Variants in HIVEP3 observed in about 807,000 individuals in gnomAD.
HIVEP3 encodes HIVEP zinc finger 3.
A neutral mutation model predicts 152.8 loss-of-function variants in HIVEP3; 49 were observed. The ratio of observed to expected loss-of-function variants is 0.32; its 90% CI spans 0.26 to 0.41. HIVEP3 has a LOEUF of 0.41. Ranked by LOEUF, HIVEP3 falls within the 10% of genes least tolerant of loss-of-function variation. HIVEP3 has a pLI of 1.00. For missense variants in HIVEP3, 2,790 were observed against 3,103.3 expected (o/e 0.90, Z 2.40); for synonymous variants, 1,269 against 1,289.0 (o/e 0.98, Z 0.33).
intron 1 of HIVEP3, among the ~76,000 whole-genome samples, chr1:41,939,995 C>G (rs1036193295): frequency 6.6e-6 from 1 of 151,290 alleles, no homozygotes; most frequent in African/African-American, 2.4e-5. Flanking sequence ...TTACTTTAGT[C>G]TGAGGCACCT....
At chr1:41,567,972 C>G (rs892907651) in intron 5 of HIVEP3, among the ~76,000 whole-genome samples, 1 of 152,268 alleles carries the variant, frequency 6.6e-6, no homozygotes, top group Non-Finnish European at 1.5e-5. Flanking sequence ...ATTCTAAGAG[C>G]TGCAGAGTTC....
intron 1 of HIVEP3, among the ~76,000 whole-genome samples, chr1:41,932,420 C>T (rs528680335): frequency 1.5e-3 from 231 of 151,862 alleles, no homozygotes; most frequent in Non-Finnish European, 2.7e-3. Flanking sequence ...GTCTGTCCTT[C>T]GAGGAATTGA....
intron 5 of HIVEP3, among the ~76,000 whole-genome samples, chr1:41,527,845 C>G (rs1417755860): frequency 6.9e-6 from 1 of 145,714 alleles, no homozygotes; most frequent in Non-Finnish European, 1.5e-5. Context: ...ATCCACTTCC[C>G]CACCCTCACC....
chr1:41,888,527 G>T (rs1644388718), intron 1 of HIVEP3, among the ~76,000 whole-genome samples: 1 of 151,850 alleles, frequency 6.6e-6, no homozygotes, highest in Admixed American at 6.6e-5. Context: ...CAAAGAGGGG[G>T]AAAAAGGAAA....
At chr1:41,953,989 T>C (rs897645638) in intron 1 of HIVEP3, among the ~76,000 whole-genome samples, 1 of 152,174 alleles carries the variant, frequency 6.6e-6, no homozygotes, top group African/African-American at 2.4e-5. Flanking sequence ...TTCTGGCCTT[T>C]GGGGAAACTG....
intron 1 of HIVEP3, among the ~76,000 whole-genome samples, chr1:41,981,078 G>A (rs534469968): frequency 5.0e-4 from 76 of 152,246 alleles, no homozygotes; most frequent in African/African-American, 1.7e-3. Context: ...ATCAGGATTC[G>A]CTTCTGCAAG....
intron 2 of HIVEP3, among the ~76,000 whole-genome samples, chr1:41,639,946 C>T (rs544533392): frequency 1.3e-5 from 2 of 152,274 alleles, no homozygotes; most frequent in Non-Finnish European, 2.9e-5. Context: ...AAATGTTTTC[C>T]AGGAAAGACA....
chr1:41,931,771 C>G lies in HIVEP3; in HGVS notation n.120-13247G>C, dbSNP rs549018503. ...CTCTAAATTTCAAAGTCCATATGTTCATTGCTAGCATGAAGAAATACAATT... is the reference window on the plus strand; with the variant it reads ...CTCTAAATTTCAAAGTCCATATGTTGATTGCTAGCATGAAGAAATACAATT... On this transcript the variant is annotated intron_variant and non_coding_transcript_variant, in intron 1 of 3. Coordinates refer to the HIVEP3 transcript ENST00000489103. 3.9e-5 allele frequency among the ~76,000 whole-genome samples: 6 copies of G among 152,136 alleles called. No individual in the cohort carries two copies. In the East Asian group the frequency reaches 1.2e-3, roughly 29 times the overall value.
rs374995871 is a variant in HIVEP3 at position 41,582,354 on chromosome 1, G to A, written c.2444C>T (p.Pro815Leu). The A allele has an allele frequency of 2.4e-5, 39 of 1,614,070 alleles. No individual in the cohort carries two copies. The African/African-American group carries it at 3.1e-4, about 13-fold the overall frequency. The change falls in exon 4 of 9, where the codon CCG becomes CTG. Residue 815 changes from proline (P) to leucine (L), a missense_variant. Transcript: ENST00000372583. The surrounding 1 kb of genome is among the most constrained non-coding windows in gnomAD (Gnocchi z 4.7). ...SFEKSDSLEQ[P>L]SGLEGEDKPL... Reference sequence around the variant, plus strand: ...TTTGTCTTCCCCTTCCAAGCCACTCGGCTGCTCGAGAGAATCAGATTTCTC... The same window carrying A: ...TTTGTCTTCCCCTTCCAAGCCACTCAGCTGCTCGAGAGAATCAGATTTCTC...
At chr1:41,628,393 G>A (rs1331587729) in intron 3 of HIVEP3, among the ~76,000 whole-genome samples, 1 of 152,194 alleles carries the variant, frequency 6.6e-6, no homozygotes, top group Non-Finnish European at 1.5e-5. Context: ...GGAGCACACA[G>A]TTGGACTGGC....
At chr1:41,763,597 C>T (rs999510766) in intron 1 of HIVEP3, among the ~76,000 whole-genome samples, 2 of 152,190 alleles carry the variant, frequency 1.3e-5, no homozygotes, top group African/African-American at 4.8e-5. Context: ...AATACCAGGG[C>T]TACTATTTCT....
chr1:41,518,364 C>T, intron 7 of HIVEP3, 38 bp downstream of exon 7: 1 of 1,554,660 alleles, frequency 6.4e-7, no homozygotes, highest in Non-Finnish European at 8.9e-7. Context: ...GGAAAGCGGA[C>T]AAGGGGAAAG....
At chr1:41,803,399 C>G (rs1039388456) in intron 1 of HIVEP3, among the ~76,000 whole-genome samples, 2 of 152,214 alleles carry the variant, frequency 1.3e-5, no homozygotes, top group Admixed American at 1.3e-4. Context: ...CAAGGCCCCA[C>G]CTTCTCAGTC....
At chr1:41,812,076 C>G (rs965243539) in intron 1 of HIVEP3, among the ~76,000 whole-genome samples, 1 of 152,064 alleles carries the variant, frequency 6.6e-6, no homozygotes, top group Non-Finnish European at 1.5e-5. Flanking sequence ...AACAAAATGA[C>G]CCAGGTCATT....
chr1:41,516,886 C>A (rs932505459), intron 7 of HIVEP3, among the ~76,000 whole-genome samples: 4 of 152,276 alleles, frequency 2.6e-5, no homozygotes, highest in Admixed American at 6.5e-5. Flanking sequence ...CCCCAGCCCT[C>A]ACTTGGCTCT....
chr1:41,589,561 G>A (rs1199373289), intron 3 of HIVEP3, among the ~76,000 whole-genome samples: 1 of 152,240 alleles, frequency 6.6e-6, no homozygotes, highest in African/African-American at 2.4e-5. Flanking sequence ...CATGGCCCAG[G>A]GTGGACACCC....
At chr1:41,637,872 A>G (rs1253316345) in intron 2 of HIVEP3, among the ~76,000 whole-genome samples, 1 of 152,256 alleles carries the variant, frequency 6.6e-6, no homozygotes, top group Non-Finnish European at 1.5e-5. Context: ...ATGGGGGGTC[A>G]GTGTTTAATA....
chr1:41,920,595 T>G (rs545514360), upstream of HIVEP3, among the ~76,000 whole-genome samples: 120 of 150,902 alleles, frequency 8.0e-4, no homozygotes, highest in African/African-American at 2.8e-3. Flanking sequence ...TTTTTTGTTT[T>G]GTTTTTTACC....
At chr1:41,928,688 C>T (rs1199154020) in intron 1 of HIVEP3, among the ~76,000 whole-genome samples, 1 of 152,160 alleles carries the variant, frequency 6.6e-6, no homozygotes, top group African/African-American at 2.4e-5. Context: ...GCCCTTGACC[C>T]TTTTGAAGAG....
Sources: allele counts gnomAD v4.1 joint callset (sites outside exome capture counted in the v4.1 genomes callset), GRCh38; gene constraint gnomAD v4.1.1; non-coding constraint Gnocchi (gnomAD v3.1); transcripts MANE v1.5; gene names NCBI Gene and HGNC (gene_info 2026-07-23, HGNC 2026-07-21).